The following FAM171B variants were observed in gnomAD, a reference collection of about 807,000 sequenced individuals.
FAM171B encodes protein FAM171B.
In FAM171B, 19 loss-of-function variants were observed where a neutral mutation model predicts 75.6. The ratio of observed to expected loss-of-function variants is 0.25; its 90% CI spans 0.18 to 0.37. The LOEUF (loss-of-function observed/expected upper bound fraction) is 0.37. Ranked by LOEUF, FAM171B falls within the 10% of genes least tolerant of loss-of-function variation. The pLI is 1.00. For missense variants in FAM171B, 848 were observed against 982.4 expected (o/e 0.86, Z 1.83); for synonymous variants, 367 against 361.7 (o/e 1.01, Z -0.17).
At chr2:186,726,464 T>G (rs1690034711) in intron 1 of FAM171B, among the ~76,000 whole-genome samples, 1 of 152,146 alleles carries the variant, frequency 6.6e-6, no homozygotes, top group African/African-American at 2.4e-5. Context: ...ATTAAACCCT[T>G]TCCACCCCAC....
rs371125001 is a variant in FAM171B at position 186,761,568 on chromosome 2, T to C, written c.1226T>C (p.Ile409Thr). 1.9e-6 allele frequency: 3 copies of C among 1,610,378 alleles called. No individual in the cohort carries two copies. The highest frequency in any genetic ancestry group is 2.5e-6 in the Non-Finnish European group (3 of 1,178,944). Residue 409 changes from isoleucine to threonine, a missense_variant, in exon 8 of 8, where the codon ATA (isoleucine) becomes ACA (threonine). Transcript: ENST00000304698. ...KRDQTTSTTHINHISTVKVAL... is the reference protein window; with the variant it reads ...KRDQTTSTTHTNHISTVKVAL... ...GACCAGACAACTTCAACAACACACA[T>C]AAATCATATCAGTACAGTTAAAGTT...
chr2:186,745,747 G>A (rs1690356899), intron 3 of FAM171B, among the ~76,000 whole-genome samples: 1 of 152,222 alleles, frequency 6.6e-6, no homozygotes, highest in South Asian at 2.1e-4. Flanking sequence ...CAGAAGCTCA[G>A]CTAGACATTT....
intron 1 of FAM171B, among the ~76,000 whole-genome samples, chr2:186,733,453 GC>G (rs985598071): frequency 1.7e-4 from 26 of 152,206 alleles, no homozygotes; most frequent in African/African-American, 6.0e-4. Context: ...TGTCACAGGA[GC>G]CTTGGGGTGT....
At position 186,765,310 on chromosome 2, in the gene FAM171B, A is replaced by G. The variant is rs192459311; in HGVS notation, c.*2487A>G. ...TTGTTAACATTTGTCGATCCTTTGT[A>G]TATACTTTGGATATATATTAAAGGC... On this transcript the variant is annotated 3_prime_UTR_variant, in exon 8 of 8. Transcript: ENST00000304698. The G allele has an allele frequency of 6.6e-6, 1 of 152,174 alleles. No individual in the cohort carries two copies. The highest frequency in any genetic ancestry group is 1.9e-4 in the East Asian group (1 of 5,188). The allele number at this position is 152,174 out of a possible 1,614,324, so 9.4% of individuals were successfully genotyped here. A position where few individuals can be genotyped will look rare whatever the true frequency, so the allele number is the denominator to read the frequency against.
intron 1 of FAM171B, among the ~76,000 whole-genome samples, chr2:186,736,567 G>GTGTGTGTGTGTGGGAGA (rs55683607): frequency 1.5e-3 from 162 of 104,614 alleles, no homozygotes; most frequent in Non-Finnish European, 2.3e-3. Flanking sequence ...TGTGTGTGTG[G>GTGTGTGTGTGTGGGAGA]GAGAGAGAGA....
chr2:186,759,011 C>T (rs1690575833), intron 6 of FAM171B, among the ~76,000 whole-genome samples: 1 of 151,944 alleles, frequency 6.6e-6, no homozygotes, highest in African/African-American at 2.4e-5. Context: ...CCAGCTGTTT[C>T]AATGTTTAGC....
At chr2:186,748,163 T>C (rs1690397088) in intron 4 of FAM171B, among the ~76,000 whole-genome samples, 2 of 148,154 alleles carry the variant, frequency 1.3e-5, no homozygotes, top group African/African-American at 4.9e-5. Flanking sequence ...TGCTCAACAA[T>C]CCGCCCACCT....
chr2:186,748,771 TTA>T (rs1163500465), intron 4 of FAM171B, among the ~76,000 whole-genome samples: 1 of 152,188 alleles, frequency 6.6e-6, no homozygotes, highest in African/African-American at 2.4e-5. Flanking sequence ...CCTCAAATTA[TTA>T]TCTCAGGGTC....
At chr2:186,725,410 G>T (rs1670628737) in intron 1 of FAM171B, among the ~76,000 whole-genome samples, 1 of 151,902 alleles carries the variant, frequency 6.6e-6, no homozygotes. Flanking sequence ...ACATGACCCT[G>T]ATCTTAGGTG....
chr2:186,753,345 T>C (rs1690484102), intron 5 of FAM171B, among the ~76,000 whole-genome samples: 1 of 152,214 alleles, frequency 6.6e-6, no homozygotes, highest in African/African-American at 2.4e-5. Flanking sequence ...TATTTTGTTT[T>C]AATATAAAAT....
At position 186,747,152 on chromosome 2, in the gene FAM171B, A is replaced by G. The variant is rs1433863668; in HGVS notation, c.626A>G (p.His209Arg). The G allele has an allele frequency of 3.7e-6, 6 of 1,608,318 alleles. No individual in the cohort carries two copies. Among genetic ancestry groups the G allele is most frequent in the African/African-American group, 1.3e-5 (1 of 74,694 alleles). The change falls in exon 4 of 8, where the codon CAT becomes CGT. Residue 209 changes from histidine to arginine, a missense_variant. Coordinates refer to ENST00000304698, the MANE Select transcript of FAM171B (RefSeq NM_177454.4). ...GCCTTAATTAAACTTCCTGACAACCATCATATTAGCAACGTTACTGGCTAT... is the reference window on the plus strand; with the variant it reads ...GCCTTAATTAAACTTCCTGACAACCGTCATATTAGCAACGTTACTGGCTAT... ...SKALIKLPDNHHISNVTGYLT... is the reference protein window; with the variant it reads ...SKALIKLPDNRHISNVTGYLT...
At position 186,762,551 on chromosome 2, in the gene FAM171B, T is replaced by C. The variant is rs2105794209; in HGVS notation, c.2209T>C (p.Tyr737His). 1 of 1,613,560 alleles carries C rather than the reference T, an allele frequency of 6.2e-7. No individual in the cohort carries two copies. The highest frequency in any genetic ancestry group is 8.5e-7 in the Non-Finnish European group (1 of 1,179,700). Residue 737 changes from tyrosine to histidine, a missense_variant, in exon 8 of 8, where the codon TAC (tyrosine) becomes CAC (histidine). Tyr to His is a moderately conservative substitution (Grantham distance 83). Transcript: ENST00000304698. This position sits in a 1 kb window ranked among gnomAD's most constrained non-coding sequence, Gnocchi z 4.0. ...AAGCATGCATCAGCCCAAGATCCTT[T>C]ACTTAGAAGATTTAGACCTAAGCAG... Reference protein sequence around the residue: ...IKSMHQPKILYLEDLDLSSSE... With the variant: ...IKSMHQPKILHLEDLDLSSSE...
chr2:186,741,224 G>A (rs1009090710), intron 2 of FAM171B, among the ~76,000 whole-genome samples: 1 of 152,064 alleles, frequency 6.6e-6, no homozygotes, highest in African/African-American at 2.4e-5. Context: ...GGATCCATAT[G>A]TGAAAATATA....
intron 1 of FAM171B, among the ~76,000 whole-genome samples, chr2:186,721,090 G>T (rs939405607): frequency 1.3e-5 from 2 of 152,154 alleles, no homozygotes; most frequent in Non-Finnish European, 2.9e-5. Context: ...GATGGCTTTA[G>T]GTCATATCCC....
At chr2:186,737,741 C>T (rs1690224578) in intron 1 of FAM171B, among the ~76,000 whole-genome samples, 1 of 152,184 alleles carries the variant, frequency 6.6e-6, no homozygotes. Flanking sequence ...TTCTGCTTTC[C>T]AGACAACAGA....
chr2:186,709,407 A>T (rs1689780098), intron 1 of FAM171B, among the ~76,000 whole-genome samples: 1 of 152,166 alleles, frequency 6.6e-6, no homozygotes, highest in African/African-American at 2.4e-5. Context: ...TCTTGAAGAA[A>T]CCAGACTGGT....
intron 1 of FAM171B, among the ~76,000 whole-genome samples, chr2:186,711,743 C>G (rs1396743909): frequency 2.6e-5 from 4 of 152,102 alleles, no homozygotes; most frequent in African/African-American, 2.4e-5. Context: ...TACACTAAGC[C>G]CTAACTTCAA....
intron 1 of FAM171B, among the ~76,000 whole-genome samples, chr2:186,737,819 G>A (rs1211491724): frequency 6.6e-6 from 1 of 152,262 alleles, no homozygotes. Context: ...CATTTGGAAT[G>A]TGTTAAATCT....
At chr2:186,702,519 C>T (rs945728441) in intron 1 of FAM171B, among the ~76,000 whole-genome samples, 3 of 152,180 alleles carry the variant, frequency 2.0e-5, no homozygotes, top group Non-Finnish European at 4.4e-5. Context: ...CAAGACATAT[C>T]AGATTCTGTG....
Sources: gnomAD v4.1 joint callset for allele counts (sites outside exome capture counted in the v4.1 genomes callset) on GRCh38, gnomAD v4.1.1 for gene constraint, Gnocchi (gnomAD v3.1) non-coding constraint, MANE v1.5 for transcripts, NCBI Gene and HGNC (gene_info 2026-07-23, HGNC 2026-07-21) for gene names.